CAMTA1: variants seen among roughly 807,000 people sequenced by gnomAD.
CAMTA1 encodes the protein calmodulin-binding transcription activator 1.
In CAMTA1, 27 loss-of-function variants were observed where a neutral mutation model predicts 170.9. The observed-to-expected ratio is 0.16, with a 90% CI of 0.12 to 0.22. CAMTA1 has a LOEUF of 0.22. CAMTA1 is among the 10% of genes least tolerant of loss of function. CAMTA1 has a pLI of 1.00. For synonymous variants in CAMTA1, 833 were observed against 891.5 expected, an observed-to-expected ratio of 0.93 and a Z score of 1.17; for missense variants, 1,619 against 2,217.2, an observed-to-expected ratio of 0.73 and a Z score of 5.42.
rs2095365493 is a variant in CAMTA1, at chr1:7,592,807, A to G, written c.511-47593A>G. 6.6e-6 allele frequency among the ~76,000 whole-genome samples: 1 copy of G among 152,172 alleles called. No individual in the cohort carries two copies. Among genetic ancestry groups the G allele is most frequent in the African/African-American group, 2.4e-5 (1 of 41,452 alleles). ...GCTCCTCCCCACCCTCACACACCTCAGCCTCTATAACAGTAACAACAGTAA... is the reference window on the plus strand; with the variant it reads ...GCTCCTCCCCACCCTCACACACCTCGGCCTCTATAACAGTAACAACAGTAA... On this transcript the variant is annotated intron_variant, in intron 6 of 22. Coordinates refer to ENST00000303635, the MANE Select transcript of CAMTA1 (RefSeq NM_015215.4). This position sits in a 1 kb window ranked among gnomAD's most constrained non-coding sequence, Gnocchi z 4.6.
At position 7,157,744 on chromosome 1, in the gene CAMTA1, T is replaced by C. The variant is rs377346989; in HGVS notation, c.302+66373T>C. Among the ~76,000 whole-genome samples, 37 of 152,332 alleles carry C rather than the reference T, an allele frequency of 2.4e-4. No homozygotes were observed. In the East Asian group the frequency reaches 4.6e-3, roughly 19 times the overall value. ...GTTCACAAAAAGACTTGTATGAGAA[T>C]GTTCTTGGCAGTTTTACTCATAGTC... On this transcript the variant is annotated intron_variant, in intron 4 of 22. Transcript: ENST00000303635.
rs146345014 is a variant in CAMTA1, at chr1:7,290,221, A to G, written c.438+40595A>G. Among the ~76,000 whole-genome samples, 673 of 152,232 alleles carry G rather than the reference A, an allele frequency of 4.4e-3. 8 individuals are homozygous for G. Among genetic ancestry groups the G allele is most frequent in the Admixed American group, 0.024 (367 of 15,302 alleles). On this transcript the variant is annotated intron_variant, in intron 5 of 22. Coordinates refer to ENST00000303635, the MANE Select transcript of CAMTA1 (RefSeq NM_015215.4). ...GGACATGGCCTGGCAGAGGGAAGGG[A>G]TGGGGTGAGGAAACTCGGTTCTGCC...
At chr1:7,098,524 G>A (rs910403944) in intron 4 of CAMTA1, among the ~76,000 whole-genome samples, 3 of 152,326 alleles carry the variant, frequency 2.0e-5, no homozygotes, top group South Asian at 2.1e-4. Context: ...ATTTGTTTCC[G>A]GGGGTGGGGA....
chr1:7,134,002 G>C (rs1645406894), intron 4 of CAMTA1, among the ~76,000 whole-genome samples: 1 of 152,142 alleles, frequency 6.6e-6, no homozygotes, highest in African/African-American at 2.4e-5. Context: ...CACCACCCAG[G>C]TGGTGAGCAT....
At chr1:7,582,314 T>G (rs543902759) in intron 6 of CAMTA1, among the ~76,000 whole-genome samples, 1 of 152,294 alleles carries the variant, frequency 6.6e-6, no homozygotes, top group Admixed American at 6.5e-5. Flanking sequence ...CCTGATTTCC[T>G]AAATCCTCTC....
chr1:7,073,040 T>C (rs979898097), intron 3 of CAMTA1, among the ~76,000 whole-genome samples: 8 of 151,952 alleles, frequency 5.3e-5, no homozygotes, highest in Non-Finnish European at 1.0e-4. Context: ...GTCATCTAGA[T>C]GGGAGGAGGT....
intron 4 of CAMTA1, among the ~76,000 whole-genome samples, chr1:7,176,527 A>C (rs1449167348): frequency 1.3e-5 from 2 of 151,714 alleles, no homozygotes; most frequent in African/African-American, 4.8e-5. Flanking sequence ...CACATGCTAA[A>C]CTCCAGCTGC....
intron 5 of CAMTA1, among the ~76,000 whole-genome samples, chr1:7,411,813 T>C (rs888051589): frequency 1.3e-5 from 2 of 152,012 alleles, no homozygotes; most frequent in Non-Finnish European, 2.9e-5. Flanking sequence ...AATGTGCAGG[T>C]TTGTTACATA....
At chr1:7,574,053 C>T (rs1023071875) in intron 6 of CAMTA1, among the ~76,000 whole-genome samples, 2 of 152,200 alleles carry the variant, frequency 1.3e-5, no homozygotes, top group African/African-American at 2.4e-5. Context: ...AGATTACAGG[C>T]ATGCATGACC....
intron 3 of CAMTA1, among the ~76,000 whole-genome samples, chr1:6,910,810 G>A (rs184590179): frequency 1.8e-4 from 28 of 152,344 alleles, no homozygotes; most frequent in African/African-American, 6.5e-4. Context: ...TGCTGGATCC[G>A]TGGAGCTTTG....
chr1:7,005,968 G>A (rs949498905), intron 3 of CAMTA1, among the ~76,000 whole-genome samples: 1 of 152,216 alleles, frequency 6.6e-6, no homozygotes, highest in Non-Finnish European at 1.5e-5. Context: ...GGATAGACCA[G>A]GGCAGGGTCT....
chr1:6,810,698 C>A (rs895882303), intron 1 of CAMTA1, among the ~76,000 whole-genome samples: 2 of 151,840 alleles, frequency 1.3e-5, no homozygotes, highest in Non-Finnish European at 2.9e-5. Flanking sequence ...CCAGCTACTC[C>A]GGAGGCTGAG....
In CAMTA1 at chr1:7,078,482, C is replaced by T. The variant is rs74051111; in HGVS notation, c.235-12822C>T. On this transcript the variant is annotated intron_variant, in intron 3 of 22. Transcript: ENST00000303635. Reference sequence around the variant, plus strand: ...GAAAATCTGTATCTCTACGGGCTTACGATAGCCTGTCTCTGAGACAACAAT... The same window carrying T: ...GAAAATCTGTATCTCTACGGGCTTATGATAGCCTGTCTCTGAGACAACAAT... Among the ~76,000 whole-genome samples, 780 of 152,302 alleles carry T rather than the reference C, an allele frequency of 5.1e-3. 5 individuals carry two copies. Among genetic ancestry groups the T allele is most frequent in the African/African-American group, 0.018 (744 of 41,560 alleles).
intron 4 of CAMTA1, among the ~76,000 whole-genome samples, chr1:7,110,089 T>A (rs995079786): frequency 3.3e-5 from 5 of 152,190 alleles, no homozygotes; most frequent in Non-Finnish European, 5.9e-5. Context: ...AAGTGATTCA[T>A]CCTGTTCCTT....
In CAMTA1 at chr1:6,897,523, T is replaced by C. The variant is rs1401758910; in HGVS notation, c.234+72313T>C. Among the ~76,000 whole-genome samples the C allele has an allele frequency of 6.5e-5, 5 of 76,898 alleles. No homozygotes were observed. The Admixed American group carries it at 7.5e-4, about 12-fold the overall frequency. 50.4% of individuals were successfully genotyped at this position (76,898 alleles called of 152,430 possible). Reference sequence around the variant, plus strand: ...CGCTTTTCTGATTTGACTTTTTGGCTGATTGCTTTTGAAGTTAATGTGGTT... The same window carrying C: ...CGCTTTTCTGATTTGACTTTTTGGCCGATTGCTTTTGAAGTTAATGTGGTT... On this transcript the variant is annotated intron_variant, in intron 3 of 22. Transcript: ENST00000303635.
intron 5 of CAMTA1, among the ~76,000 whole-genome samples, chr1:7,452,147 T>C (rs1184389192): frequency 6.6e-6 from 1 of 152,194 alleles, no homozygotes; most frequent in African/African-American, 2.4e-5. Context: ...GCACCTCGAA[T>C]GGGGCCTGGA....
chr1:7,433,552 C>T (rs987857570), intron 5 of CAMTA1, among the ~76,000 whole-genome samples: 11 of 152,200 alleles, frequency 7.2e-5, no homozygotes, highest in African/African-American at 2.7e-4. Flanking sequence ...CCACTACTAC[C>T]TCACCAACGG....
intron 3 of CAMTA1, among the ~76,000 whole-genome samples, chr1:6,914,456 C>T (rs1251221617): frequency 2.0e-5 from 3 of 152,198 alleles, no homozygotes; most frequent in Non-Finnish European, 4.4e-5. Context: ...TTAACAGATG[C>T]TATATAAGGC....
At chr1:7,317,583 G>A (rs1030641377) in intron 5 of CAMTA1, among the ~76,000 whole-genome samples, 1 of 152,204 alleles carries the variant, frequency 6.6e-6, no homozygotes, top group Non-Finnish European at 1.5e-5. Context: ...ATGACTCTTT[G>A]TCGGTGCTCT....
Sources: allele counts gnomAD v4.1 joint callset (sites outside exome capture counted in the v4.1 genomes callset), GRCh38; gene constraint gnomAD v4.1.1; non-coding constraint Gnocchi (gnomAD v3.1); transcripts MANE v1.5; gene names NCBI Gene and HGNC (gene_info 2026-07-23, HGNC 2026-07-21).